DHX15: variants seen among roughly 807,000 people sequenced by gnomAD.
DHX15 encodes the protein DEAH-box helicase 15.
In DHX15, 11 loss-of-function variants were observed where a neutral mutation model predicts 94.4. That is an observed-to-expected ratio of 0.12 (90% CI 0.07 to 0.19). DHX15 has a LOEUF of 0.19. DHX15 is among the 10% of genes least tolerant of loss of function. The pLI is 1.00. For synonymous variants in DHX15, 338 were observed against 329.9 expected, an observed-to-expected ratio of 1.02 and a Z score of -0.27; for missense variants, 304 against 988.5, an observed-to-expected ratio of 0.31 and a Z score of 9.29.
At position 24,548,765 on chromosome 4, in the gene DHX15, C is replaced by T. The variant is rs990300858; in HGVS notation, c.1248+90G>A. ...TTGTATAAAACCTAGATCACAATCA[C>T]CCATAACTTAGTCCTTTATAACTGA... On this transcript the variant is annotated intron_variant, in intron 6 of 13. Transcript: ENST00000336812. The T allele has an allele frequency of 2.4e-6, 3 of 1,228,822 alleles. No individual in the cohort carries two copies. The Admixed American group carries it at 7.4e-5, about 30-fold the overall frequency. The allele number at this position is 1,228,822 out of a possible 1,614,324, so 76.1% of individuals were successfully genotyped here.
intron 6 of DHX15, among the ~76,000 whole-genome samples, chr4:24,545,426 T>C (rs183628295): frequency 6.6e-5 from 10 of 152,340 alleles, no homozygotes; most frequent in African/African-American, 2.2e-4. Context: ...AATTCGCGGA[T>C]ACATGATTCT....
intron 9 of DHX15, 82 bp from the exon 10 acceptor site, chr4:24,540,381 T>G: frequency 8.3e-7 from 1 of 1,208,180 alleles, no homozygotes; most frequent in Non-Finnish European, 1.1e-6. Flanking sequence ...ATAAGCAATC[T>G]CATTTTTCAT....
At chr4:24,567,450 G>A (rs1382261610) in intron 3 of DHX15, among the ~76,000 whole-genome samples, 2 of 152,060 alleles carry the variant, frequency 1.3e-5, no homozygotes, top group Non-Finnish European at 2.9e-5. Context: ...GGTGGCGGGG[G>A]CCTGTAATCT....
chr4:24,562,518 A>G (rs558538213), intron 3 of DHX15, among the ~76,000 whole-genome samples: 216 of 152,342 alleles, frequency 1.4e-3, no homozygotes, highest in African/African-American at 4.6e-3. Context: ...AAATGTGAAC[A>G]GGGTAAAAAT....
At chr4:24,559,429 AATGT>A (rs1326288752) in intron 3 of DHX15, among the ~76,000 whole-genome samples, 2 of 151,650 alleles carry the variant, frequency 1.3e-5, no homozygotes, top group Non-Finnish European at 2.9e-5. Context: ...TATACTGTTA[AATGT>A]ATGAAACCCT....
intron 2 of DHX15, among the ~76,000 whole-genome samples, chr4:24,572,063 T>C (rs1354250609): frequency 1.3e-5 from 2 of 152,204 alleles, no homozygotes; most frequent in Admixed American, 1.3e-4. Flanking sequence ...ATCTAGAAAG[T>C]GAAATTCACT....
At chr4:24,538,332 T>G (rs1295939002) in intron 10 of DHX15, 1 of 152,100 alleles carries the variant, frequency 6.6e-6, no homozygotes, top group African/African-American at 2.4e-5. Context: ...GATGCCAAAA[T>G]AGCCAAATAG....
Position 24,534,929 on chromosome 4 carries a change from C to T in DHX15, c.1910-1875G>A, listed in dbSNP as rs139210531. ...ATATATGGATATATCGAAATAATAACACGTGGGGATCTGGCAAAGTTTTTT... is the reference window on the plus strand; with the variant it reads ...ATATATGGATATATCGAAATAATAATACGTGGGGATCTGGCAAAGTTTTTT... On this transcript the variant is annotated intron_variant, in intron 11 of 13. Transcript: ENST00000336812. Among the ~76,000 whole-genome samples, 601 of 149,164 alleles carry T rather than the reference C, an allele frequency of 4.0e-3. 2 individuals are homozygous for T. The highest frequency in any genetic ancestry group is 6.6e-3 in the Non-Finnish European group (444 of 67,448).
intron 11 of DHX15, among the ~76,000 whole-genome samples, chr4:24,534,575 C>G (rs73804156): frequency 0.035 from 5,341 of 152,220 alleles, 283 homozygotes; most frequent in African/African-American, 0.11. Context: ...CTCACCAATA[C>G]AGTAAACCAC....
intron 13 of DHX15, among the ~76,000 whole-genome samples, chr4:24,528,678 T>C (rs761773093): frequency 3.9e-5 from 6 of 152,138 alleles, no homozygotes; most frequent in Admixed American, 6.5e-5. Flanking sequence ...TTTCCTGTCA[T>C]AGGTTATAGA....
intron 6 of DHX15, among the ~76,000 whole-genome samples, chr4:24,543,580 T>C (rs1038953594): frequency 1.3e-5 from 2 of 152,158 alleles, no homozygotes; most frequent in African/African-American, 4.8e-5. Context: ...GTGCATGGTC[T>C]CAACGGGATG....
intron 5 of DHX15, among the ~76,000 whole-genome samples, chr4:24,550,118 A>AAAAAAC (rs1560766881): frequency 6.9e-5 from 10 of 145,190 alleles, no homozygotes; most frequent in African/African-American, 2.3e-4. Context: ...AAAAAAAAAA[A>AAAAAAC]AAAAACGGTA....
At position 24,528,047 on chromosome 4, in the gene DHX15, T is replaced by C. The variant is rs370752885; in HGVS notation, c.2271-6A>G. 1.9e-6 allele frequency: 3 copies of C among 1,604,910 alleles called. No homozygotes were observed. Among genetic ancestry groups the C allele is most frequent in the Non-Finnish European group, 2.6e-6 (3 of 1,171,888 alleles). On this transcript the variant is annotated splice_region_variant and splice_polypyrimidine_tract_variant and intron_variant, in intron 13 of 13. Transcript: ENST00000336812. ...GAGGGGCAATTTTCACCAACCTGTTTAGAAGTGGGCAGAAAAATTTCCAAA... is the reference window on the plus strand; with the variant it reads ...GAGGGGCAATTTTCACCAACCTGTTCAGAAGTGGGCAGAAAAATTTCCAAA...
intron 3 of DHX15, among the ~76,000 whole-genome samples, chr4:24,557,142 G>A (rs1453959698): frequency 6.6e-6 from 1 of 152,048 alleles, no homozygotes; most frequent in Non-Finnish European, 1.5e-5. Context: ...CACAAGACAG[G>A]CGCCACGTAA....
intron 13 of DHX15, 51 bp from the exon 14 acceptor site, chr4:24,528,092 C>T (rs369034717): frequency 4.6e-6 from 6 of 1,290,740 alleles, no homozygotes; most frequent in African/African-American, 2.9e-5. Flanking sequence ...AATTGAAGTA[C>T]TGGAGTTGTT....
At chr4:24,554,667 G>A in intron 5 of DHX15, 58 bp downstream of exon 5, 2 of 1,250,994 alleles carry the variant, frequency 1.6e-6, no homozygotes, top group Non-Finnish European at 2.3e-6. Flanking sequence ...GATTAAGGTT[G>A]CTGCATATTA....
At chr4:24,573,882 T>C (rs1034647794) in intron 2 of DHX15, among the ~76,000 whole-genome samples, 1 of 152,068 alleles carries the variant, frequency 6.6e-6, no homozygotes, top group Non-Finnish European at 1.5e-5. Flanking sequence ...GTGAAATGTC[T>C]TTATTGTAGG....
At chr4:24,573,919 G>A (rs867679509) in intron 2 of DHX15, among the ~76,000 whole-genome samples, 3 of 147,144 alleles carry the variant, frequency 2.0e-5, no homozygotes, top group African/African-American at 5.0e-5. Flanking sequence ...GTCATGGCCC[G>A]GTGCAGTGGC....
chr4:24,544,647 G>C (rs542927878), intron 6 of DHX15, among the ~76,000 whole-genome samples: 25 of 152,214 alleles, frequency 1.6e-4, no homozygotes, highest in Non-Finnish European at 3.2e-4. Flanking sequence ...AAGAAGCGAT[G>C]AATTTAGAGG....
Sources: gnomAD v4.1 joint callset for allele counts (sites outside exome capture counted in the v4.1 genomes callset) on GRCh38, gnomAD v4.1.1 for gene constraint, MANE v1.5 for transcripts, NCBI Gene and HGNC (gene_info 2026-07-23, HGNC 2026-07-21) for gene names.